The following MTMR3 variants were observed in gnomAD, a reference collection of about 807,000 sequenced individuals.
MTMR3 encodes the protein myotubularin related protein 3.
Under a neutral mutation model 132.4 loss-of-function variants are expected in MTMR3, and 32 were observed. The observed-to-expected ratio is 0.24, with a 90% confidence interval of 0.18 to 0.32. The LOEUF (loss-of-function observed/expected upper bound fraction) is 0.32, where lower values mean the gene tolerates loss of function less well. Ranked by LOEUF, MTMR3 falls within the 10% of genes least tolerant of loss-of-function variation. The probability of loss-of-function intolerance (pLI) is 1.00; values close to 1 mark genes in which losing one functional copy is unlikely to be tolerated. For synonymous variants in MTMR3, 556 were observed against 550.3 expected (o/e 1.01, Z -0.14); for missense variants, 1,216 against 1,489.6 (o/e 0.82, Z 3.02).
In MTMR3 at chr22:30,020,007, C is replaced by T. The variant is rs1382263375; in HGVS notation, c.2348C>T (p.Pro783Leu). Residue 783 changes from proline (P) to leucine (L), a missense_variant, in exon 17 of 20, where the codon CCC (proline) becomes CTC (leucine). Coordinates refer to ENST00000401950, the MANE Select transcript of MTMR3 (RefSeq NM_021090.4). ...SVLLSSLQVP[P>L]RGEDSLEVPV... ...CTCCTCAGTTCTCTCCAGGTCCCCCCCAGGGGAGAGGATTCCCTGGAGGTC... is the reference window on the plus strand; with the variant it reads ...CTCCTCAGTTCTCTCCAGGTCCCCCTCAGGGGAGAGGATTCCCTGGAGGTC... 3 of 1,614,058 alleles carry T rather than the reference C, an allele frequency of 1.9e-6. No homozygotes were observed. The highest frequency in any genetic ancestry group is 3.3e-5 in the Admixed American group (2 of 60,002).
intron 19 of MTMR3, 25 bp downstream of exon 19, chr22:30,022,722 G>A (rs1321665253): frequency 1.8e-5 from 29 of 1,589,906 alleles, no homozygotes; most frequent in Non-Finnish European, 2.3e-5. Flanking sequence ...CTGTGGTAGG[G>A]TGGGCTGTGT....
In MTMR3 at chr22:30,020,031, T is replaced by C. The variant is rs1234391876; in HGVS notation, c.2372T>C (p.Val791Ala). 6.2e-7 allele frequency: 1 copy of C among 1,613,914 alleles called. No individual in the cohort carries two copies. Among genetic ancestry groups the C allele is most frequent in the African/African-American group, 1.3e-5 (1 of 74,870 alleles). ...CCCAGGGGAGAGGATTCCCTGGAGGTCCCTGTGGAGCAGTTTCGAATAGAA... is the reference window on the plus strand; with the variant it reads ...CCCAGGGGAGAGGATTCCCTGGAGGCCCCTGTGGAGCAGTTTCGAATAGAA... Reference protein sequence around the residue: ...VPPRGEDSLEVPVEQFRIEEI... With the variant: ...VPPRGEDSLEAPVEQFRIEEI... The change falls in exon 17 of 20, where the codon GTC becomes GCC. Residue 791 changes from valine to alanine, a missense_variant. Physicochemically the swap from Val to Ala is moderately conservative, Grantham distance 64 (BLOSUM62 0). Around this residue, in one of 7 missense-constraint regions of MTMR3, gnomAD observed 852 missense variants for 852.0 expected, o/e 1.00. Transcript: ENST00000401950.
In MTMR3 at chr22:29,953,135, C is replaced by T. The variant is rs79753206; in HGVS notation, c.-137-3901C>T. The stretch of plus-strand genomic sequence containing the variant: ...ATTGTTTTAAAATTATTCAGTGTTG[C>T]CTTCTTAAGGTTTTGACTCTTAATT... On this transcript the variant is annotated intron_variant, in intron 1 of 19. Transcript: ENST00000401950. Among the ~76,000 whole-genome samples, 574 of 152,242 alleles carry T rather than the reference C, an allele frequency of 3.8e-3. 1 individual carries two copies. The highest frequency in any genetic ancestry group is 0.013 in the African/African-American group (532 of 41,540).
Position 30,016,607 on chromosome 22 carries a change from A to T in MTMR3, c.1583A>T (p.His528Leu). The change falls in exon 15 of 20, where the codon CAT (histidine) becomes CTT (leucine). Residue 528 changes from histidine to leucine, a missense_variant. Around this residue, in one of 7 missense-constraint regions of MTMR3, gnomAD observed 852 missense variants for 852.0 expected, o/e 1.00. Transcript: ENST00000401950. ...AACGCCAAGGAGAGAGGGGAAAAGC[A>T]TACTCAGGAACGGACATGTTCCGTG... The part of the protein sequence containing the change: ...CNNAKERGEK[H>L]TQERTCSVWS... 6.2e-7 allele frequency: 1 copy of T among 1,614,202 alleles called. No homozygotes were observed. Among genetic ancestry groups the T allele is most frequent in the Non-Finnish European group, 8.5e-7 (1 of 1,180,026 alleles).
chr22:29,980,194 A>C (rs912659039), intron 5 of MTMR3: 1 of 150,114 alleles, frequency 6.7e-6, no homozygotes, highest in African/African-American at 2.5e-5. Flanking sequence ...TCAGCAATTA[A>C]AAAAAGACTC....
At chr22:30,017,641 T>G in intron 15 of MTMR3, 1 of 334,990 alleles carries the variant, frequency 3.0e-6, no homozygotes, top group South Asian at 4.3e-5. Flanking sequence ...AGTCAGACAT[T>G]GAAGGTGACC....
chr22:29,898,496 G>A (rs940505046), intron 1 of MTMR3, among the ~76,000 whole-genome samples: 5 of 152,026 alleles, frequency 3.3e-5, no homozygotes, highest in African/African-American at 4.8e-5. Flanking sequence ...TTGACCGCTC[G>A]GGCTCAGTCC....
At chr22:30,023,283 G>A in intron 19 of MTMR3, 1 of 662,104 alleles carries the variant, frequency 1.5e-6, no homozygotes, top group Non-Finnish European at 2.7e-6. Context: ...TCTTAGAAGA[G>A]GAAGTTTATC....
intron 1 of MTMR3, among the ~76,000 whole-genome samples, chr22:29,929,799 A>G (rs2065605082): frequency 1.3e-5 from 2 of 152,206 alleles, no homozygotes; most frequent in Non-Finnish European, 2.9e-5. Flanking sequence ...GGCGTGAGCC[A>G]CCGCGCCCGG....
intron 1 of MTMR3, among the ~76,000 whole-genome samples, chr22:29,924,661 CT>C (rs1285306244): frequency 6.6e-6 from 1 of 152,174 alleles, no homozygotes; most frequent in East Asian, 1.9e-4. Context: ...GTATTGACAT[CT>C]TCACAATATA....
intron 17 of MTMR3, 31 bp from the exon 18 acceptor site, chr22:30,021,998 A>G (rs1370569789): frequency 1.3e-6 from 2 of 1,553,906 alleles, no homozygotes; most frequent in Non-Finnish European, 8.9e-7. Context: ...GACCAGGTTC[A>G]TTCTGTTCAG....
chr22:29,897,412 A>G (rs948468318), intron 1 of MTMR3, among the ~76,000 whole-genome samples: 5 of 151,830 alleles, frequency 3.3e-5, no homozygotes, highest in Admixed American at 6.6e-5. Context: ...ATCTTGTCAG[A>G]TTTGCTTCAA....
chr22:29,922,482 G>A (rs1196945063), intron 1 of MTMR3, among the ~76,000 whole-genome samples: 5 of 152,024 alleles, frequency 3.3e-5, no homozygotes, highest in African/African-American at 4.8e-5. Context: ...TTAAGTACCT[G>A]CTTTTACTTC....
At chr22:30,016,047 C>G (rs1168267188) in intron 14 of MTMR3, 1 of 167,576 alleles carries the variant, frequency 6.0e-6, no homozygotes, top group East Asian at 1.7e-4. Context: ...TAGCACTGGT[C>G]ACTCTTCAGC....
intron 7 of MTMR3, chr22:29,994,392 CAA>C (rs56016589): frequency 0.22 from 25,343 of 114,892 alleles, 2,464 homozygotes; most frequent in African/African-American, 0.31. Flanking sequence ...AAAAACAAAC[CAA>C]AAAAAAAAAA....
intron 2 of MTMR3, among the ~76,000 whole-genome samples, chr22:29,969,240 C>A (rs563223966): frequency 1.3e-5 from 2 of 152,186 alleles, no homozygotes; most frequent in Admixed American, 6.5e-5. Context: ...ATTTTTCTTA[C>A]AATGCTCTTC....
intron 2 of MTMR3, among the ~76,000 whole-genome samples, chr22:29,963,611 C>T (rs567596096): frequency 1.3e-5 from 2 of 152,090 alleles, no homozygotes; most frequent in African/African-American, 4.8e-5. Flanking sequence ...TGGTCTCGAT[C>T]TCTTGACCTT....
chr22:30,013,639 A>G lies in MTMR3; in HGVS notation c.1503+98A>G, dbSNP rs1038612178. On this transcript the variant is annotated intron_variant, in intron 14 of 19. Coordinates refer to ENST00000401950, the MANE Select transcript of MTMR3 (RefSeq NM_021090.4). ...ACATGAAACTGTGCTGCCTCTTCAG[A>G]ATTTAATAGAGGTGATTTTTTTCCT... 4 of 1,140,850 alleles carry G rather than the reference A, an allele frequency of 3.5e-6. No individual in the cohort carries two copies. The African/African-American group carries it at 6.3e-5, about 18-fold the overall frequency. 70.7% of individuals were successfully genotyped at this position (1,140,850 alleles called of 1,614,324 possible).
At chr22:29,998,730 T>G (rs771294903) in intron 7 of MTMR3, 31 bp from the exon 8 acceptor site, 1 of 1,558,448 alleles carries the variant, frequency 6.4e-7, no homozygotes, top group East Asian at 2.3e-5. Flanking sequence ...TATTCATTTC[T>G]TCCTTTCTGC....
Sources: gnomAD v4.1 joint callset for allele counts (sites outside exome capture counted in the v4.1 genomes callset) on GRCh38, gnomAD v4.1.1 for gene constraint, gnomAD v4.1.1 regional missense constraint, MANE v1.5 for transcripts, NCBI Gene and HGNC (gene_info 2026-07-23, HGNC 2026-07-21) for gene names.